MIS18A: variants seen among roughly 807,000 people sequenced by gnomAD.
The protein encoded by MIS18A is MIS18 kinetochore protein A, also known as protein Mis18-alpha.
Under a neutral mutation model 25.0 loss-of-function variants are expected in MIS18A, and 14 were observed. The ratio of observed to expected loss-of-function variants is 0.56; its 90% CI spans 0.37 to 0.88. The LOEUF is 0.88. MIS18A is among the 40% of genes least tolerant of loss of function. The pLI is 0.00. For missense variants in MIS18A, 292 were observed against 290.8 expected (o/e 1.00, Z -0.03); for synonymous variants, 134 against 118.6 (o/e 1.13, Z -0.84).
the MIS18A span, among the ~76,000 whole-genome samples, chr21:32,204,368 G>T: frequency 6.6e-6 from 1 of 151,840 alleles, no homozygotes. Flanking sequence ...ACCGTGGCAG[G>T]CGCCTGTAAT....
chr21:32,214,416 T>A, the MIS18A span, among the ~76,000 whole-genome samples: 2 of 152,034 alleles, frequency 1.3e-5, no homozygotes, highest in Non-Finnish European at 2.9e-5. Context: ...GTTGCAAGGG[T>A]CCCAGTCAGG....
At chr21:32,273,123 T>C (rs1353961855) in intron 2 of MIS18A, among the ~76,000 whole-genome samples, 1 of 151,818 alleles carries the variant, frequency 6.6e-6, no homozygotes, top group South Asian at 2.1e-4. Context: ...TTCTTTTTTT[T>C]TTTTTTTCAC....
chr21:32,223,398 GA>G, the MIS18A span, among the ~76,000 whole-genome samples: 2 of 152,002 alleles, frequency 1.3e-5, no homozygotes, highest in Non-Finnish European at 2.9e-5. Flanking sequence ...CAATAAAGAA[GA>G]AAAGAGAGAA....
At chr21:32,272,575 A>G (rs912107179) in intron 2 of MIS18A, among the ~76,000 whole-genome samples, 1 of 152,248 alleles carries the variant, frequency 6.6e-6, no homozygotes, top group Non-Finnish European at 1.5e-5. Context: ...CAAATCTTTT[A>G]ATAGTAACAG....
At chr21:32,184,201 A>T in the MIS18A span, among the ~76,000 whole-genome samples, 2 of 152,166 alleles carry the variant, frequency 1.3e-5, no homozygotes, top group East Asian at 3.9e-4. Context: ...GAAATTATGT[A>T]GATTCTGTTA....
At chr21:32,272,185 G>A (rs1317774210) in intron 2 of MIS18A, among the ~76,000 whole-genome samples, 4 of 152,190 alleles carry the variant, frequency 2.6e-5, no homozygotes, top group East Asian at 1.9e-4. Flanking sequence ...GCCAATAATC[G>A]TAAGGTGATG....
At chr21:32,169,996 C>G in the MIS18A span, among the ~76,000 whole-genome samples, 2 of 151,140 alleles carry the variant, frequency 1.3e-5, no homozygotes, top group African/African-American at 2.5e-5. Context: ...AAAATATAGC[C>G]TATATATAGG....
intron 1 of MIS18A, 35 bp from the exon 2 acceptor site, chr21:32,274,931 G>T: frequency 6.4e-7 from 1 of 1,554,734 alleles, no homozygotes; most frequent in Non-Finnish European, 8.8e-7. Context: ...ATTTATTAAT[G>T]TAGTTCGTTA....
chr21:32,214,214 GGA>G, the MIS18A span, among the ~76,000 whole-genome samples: 5 of 152,140 alleles, frequency 3.3e-5, no homozygotes, highest in African/African-American at 1.2e-4. Context: ...GGTCCACCTT[GGA>G]GGCCAGAAAC....
rs1443429120 is a variant in MIS18A at position 32,278,700 on chromosome 21, G to C, written c.315C>G (p.Thr105=). The C allele has an allele frequency of 6.4e-7, 1 of 1,568,780 alleles. No homozygotes were observed. Among genetic ancestry groups the C allele is most frequent in the Admixed American group, 1.8e-5 (1 of 55,204 alleles). Residue 105 remains threonine (T), a synonymous_variant, in exon 1 of 5, where the codon ACC becomes ACG. Transcript: ENST00000290130. ...ACTGACAGCGAAGCAGGATGCAGTT[G>C]GTGTCCTCCTGGCTGGCCACCCAGC... ...SLSWVASQED[T]NCILLRCVSC...
At chr21:32,221,247 AG>A in the MIS18A span, among the ~76,000 whole-genome samples, 7 of 152,216 alleles carry the variant, frequency 4.6e-5, no homozygotes, top group Non-Finnish European at 1.0e-4. Flanking sequence ...CAAGTTACCC[AG>A]AAAGGGAAAC....
the MIS18A span, among the ~76,000 whole-genome samples, chr21:32,217,717 C>A: frequency 2.2e-4 from 34 of 152,122 alleles, 1 homozygote; most frequent in Middle Eastern, 0.01. Flanking sequence ...AGCAGCAAGA[C>A]AGTAGAGATC....
the MIS18A span, among the ~76,000 whole-genome samples, chr21:32,185,667 G>C: frequency 3.3e-5 from 5 of 152,114 alleles, no homozygotes; most frequent in South Asian, 1.0e-3. Flanking sequence ...GAACTTTGCT[G>C]CCTCTGGGTC....
At chr21:32,232,496 T>TGAATAACTTCCATTGTATACA in the MIS18A span, among the ~76,000 whole-genome samples, 8 of 151,730 alleles carry the variant, frequency 5.3e-5, no homozygotes, top group Non-Finnish European at 4.4e-5. Flanking sequence ...CATTGTATAC[T>TGAATAACTTCCATTGTATACA]GAATAACTTC....
the MIS18A span, among the ~76,000 whole-genome samples, chr21:32,220,453 A>C: frequency 8.5e-5 from 13 of 152,352 alleles, no homozygotes; most frequent in African/African-American, 3.1e-4. Flanking sequence ...AAGGACGCCC[A>C]CGCAAAAACC....
intron 1 of MIS18A, 39 bp downstream of exon 1, chr21:32,278,642 C>A (rs754189374): frequency 2.0e-6 from 3 of 1,464,014 alleles, no homozygotes; most frequent in South Asian, 1.4e-5. Flanking sequence ...TGGAAGAAGG[C>A]GACCCCACGC....
the MIS18A span, among the ~76,000 whole-genome samples, chr21:32,158,522 T>G: frequency 6.6e-6 from 1 of 152,082 alleles, no homozygotes; most frequent in Non-Finnish European, 1.5e-5. Flanking sequence ...TTGCCCAGGC[T>G]GGCGTTCAAT....
At chr21:32,251,477 T>C in the MIS18A span, among the ~76,000 whole-genome samples, 1 of 152,138 alleles carries the variant, frequency 6.6e-6, no homozygotes, top group Non-Finnish European at 1.5e-5. Flanking sequence ...TAACCACTCC[T>C]TCTCTTAAGA....
chr21:32,269,249 G>A (rs2031669232), intron 4 of MIS18A, 132 bp from the exon 5 acceptor site: 2 of 657,594 alleles, frequency 3.0e-6, no homozygotes, highest in South Asian at 6.0e-5. Context: ...GATATTCAGT[G>A]TTTAACAAAA....
Sources: allele counts gnomAD v4.1 joint callset (sites outside exome capture counted in the v4.1 genomes callset), GRCh38; gene constraint gnomAD v4.1.1; transcripts MANE v1.5; gene names NCBI Gene and HGNC (gene_info 2026-07-23, HGNC 2026-07-21).